The following LAMC1 variants were observed in gnomAD, a reference collection of about 807,000 sequenced individuals.
The protein encoded by LAMC1 is laminin subunit gamma-1.
In LAMC1, 38 loss-of-function variants were observed where a neutral mutation model predicts 173.6. That is an observed-to-expected ratio of 0.22 (90% CI 0.17 to 0.29). The LOEUF (loss-of-function observed/expected upper bound fraction) is 0.29. Among genes scored for constraint, LAMC1 ranks in the 10% least tolerant of loss-of-function variants. The pLI, the probability that LAMC1 is intolerant of heterozygous loss-of-function variation, is 1.00. For missense variants in LAMC1, 1,824 were observed against 2,051.8 expected, an observed-to-expected ratio of 0.89 and a Z score of 2.14; for synonymous variants, 746 against 749.1, an observed-to-expected ratio of 1.00 and a Z score of 0.07.
In LAMC1 at chr1:183,110,519, A is replaced by T; in HGVS notation, c.886A>T (p.Met296Leu). ...ATGTAATGGACACGCAAGCGAGTGT[A>T]TGAAGAACGAATTTGATAAGCTGGT... Reference protein sequence around the residue: ...CKCNGHASECMKNEFDKLVCN... With the variant: ...CKCNGHASECLKNEFDKLVCN... Residue 296 changes from methionine to leucine, a missense_variant, in exon 4 of 28, where the codon ATG (methionine) becomes TTG (leucine). Physicochemically the swap from Met to Leu is conservative, Grantham distance 15. Coordinates refer to ENST00000258341, the MANE Select transcript of LAMC1 (RefSeq NM_002293.4). 1 of 1,613,726 alleles carries T rather than the reference A, an allele frequency of 6.2e-7. No individual in the cohort carries two copies. Among genetic ancestry groups the T allele is most frequent in the East Asian group, 2.2e-5 (1 of 44,878 alleles).
At chr1:183,043,276 C>A (rs568636132) in intron 1 of LAMC1, among the ~76,000 whole-genome samples, 1 of 152,024 alleles carries the variant, frequency 6.6e-6, no homozygotes. Context: ...AAAATGTATT[C>A]GTACGAAACA....
chr1:183,049,469 T>G (rs1045290953), intron 1 of LAMC1, among the ~76,000 whole-genome samples: 1 of 152,006 alleles, frequency 6.6e-6, no homozygotes, highest in South Asian at 2.1e-4. Flanking sequence ...TTTTGTTTTT[T>G]TTTTTTGTTT....
intron 1 of LAMC1, among the ~76,000 whole-genome samples, chr1:183,024,590 G>C (rs373889959): frequency 6.6e-6 from 1 of 152,212 alleles, no homozygotes; most frequent in East Asian, 1.9e-4. Flanking sequence ...GAGGGTGATT[G>C]CTCTGTTGAG....
intron 1 of LAMC1, among the ~76,000 whole-genome samples, chr1:183,064,625 A>G (rs1354007111): frequency 6.6e-6 from 1 of 152,194 alleles, no homozygotes; most frequent in Non-Finnish European, 1.5e-5. Flanking sequence ...AAATCAAGGA[A>G]TGAAGTTTGT....
chr1:183,102,231 T>C (rs1287619927), intron 1 of LAMC1, among the ~76,000 whole-genome samples: 1 of 152,202 alleles, frequency 6.6e-6, no homozygotes, highest in African/African-American at 2.4e-5. Context: ...TCAACACTTC[T>C]GAGAGCACAG....
At chr1:183,126,391 G>A (rs1295827262) in intron 16 of LAMC1, 129 bp downstream of exon 16, 12 of 822,244 alleles carry the variant, frequency 1.5e-5, no homozygotes, top group Admixed American at 1.1e-4. Context: ...CTAAGTCATC[G>A]TAGATGCTTT....
chr1:183,103,491 C>T lies in LAMC1; in HGVS notation c.582C>T (p.Ile194=), dbSNP rs750081499. 1.1e-5 allele frequency: 18 copies of T among 1,614,088 alleles called. No individual in the cohort carries two copies. Among genetic ancestry groups the T allele is most frequent in the Middle Eastern group, 3.3e-4 (2 of 6,084 alleles). ...ACTCCAAGGCAAACCGCGGCTTCAT[C>T]AGGACAGGAGGGGACGAGCAGCAGG... is the stretch of plus-strand genomic sequence containing the variant. ...NTYSKANRGF[I]RTGGDEQQAL... is the part of the protein sequence containing the mutation. Residue 194 remains isoleucine (I), a synonymous_variant, in exon 2 of 28, where the codon ATC becomes ATT. Coordinates refer to ENST00000258341, the MANE Select transcript of LAMC1 (RefSeq NM_002293.4).
At position 183,058,977 on chromosome 1, in the gene LAMC1, C is replaced by T. The variant is rs529055167; in HGVS notation, c.418+34843C>T. Reference sequence around the variant, plus strand: ...TTTATAACATGTAAAATTTTCTCCCCTTGGGAAAAAACGTCTCACAGAAGA... The same window carrying T: ...TTTATAACATGTAAAATTTTCTCCCTTTGGGAAAAAACGTCTCACAGAAGA... On this transcript the variant is annotated intron_variant, in intron 1 of 27. Transcript: ENST00000258341. Among the ~76,000 whole-genome samples the T allele has an allele frequency of 2.6e-5, 4 of 152,310 alleles. No homozygotes were observed. In the East Asian group the frequency reaches 5.8e-4, roughly 22 times the overall value.
At chr1:183,131,463 T>TGTGTGGGTG in intron 20 of LAMC1, 85 bp downstream of exon 20, 3 of 797,716 alleles carry the variant, frequency 3.8e-6, no homozygotes. Context: ...GTGTGTGTAT[T>TGTGTGGGTG]GTCTTATCCC....
chr1:183,062,606 C>T (rs1489432728), intron 1 of LAMC1, among the ~76,000 whole-genome samples: 2 of 152,116 alleles, frequency 1.3e-5, no homozygotes, highest in African/African-American at 4.8e-5. Context: ...AATTGCACCA[C>T]TACGCTCCAG....
At chr1:183,044,707 G>T (rs115105823) in intron 1 of LAMC1, among the ~76,000 whole-genome samples, 46 of 152,184 alleles carry the variant, frequency 3.0e-4, no homozygotes, top group African/African-American at 1.1e-3. Flanking sequence ...AGTAATAGAA[G>T]ACCTGTCTGT....
At chr1:183,136,617 C>T (rs752999819) in intron 25 of LAMC1, 32 bp downstream of exon 25, 2 of 1,527,164 alleles carry the variant, frequency 1.3e-6, no homozygotes, top group Admixed American at 2.0e-5. Context: ...AGAGTCCCTG[C>T]CCATATCTTT....
At chr1:183,036,993 C>G (rs4409613) in intron 1 of LAMC1, among the ~76,000 whole-genome samples, 51,498 of 151,898 alleles carry the variant, frequency 0.34, 9,777 homozygotes, top group East Asian at 0.49. Context: ...TCAGGCTGGC[C>G]TCGAACTCCT....
At chr1:183,066,364 A>G (rs1360243086) in intron 1 of LAMC1, among the ~76,000 whole-genome samples, 3 of 152,208 alleles carry the variant, frequency 2.0e-5, no homozygotes, top group African/African-American at 7.2e-5. Flanking sequence ...ATGGGAGTGT[A>G]AATTAGTTCA....
intron 18 of LAMC1, among the ~76,000 whole-genome samples, chr1:183,129,056 T>C (rs1656706210): frequency 6.7e-6 from 1 of 150,102 alleles, no homozygotes; most frequent in Non-Finnish European, 1.5e-5. Context: ...GTTTTAAAAA[T>C]CATTAAAGGC....
chr1:183,058,186 G>A (rs2102029387), intron 1 of LAMC1, among the ~76,000 whole-genome samples: 1 of 152,288 alleles, frequency 6.6e-6, no homozygotes, highest in South Asian at 2.1e-4. Context: ...GTACTTAGAG[G>A]CAATTTAAGG....
chr1:183,121,983 T>C, intron 12 of LAMC1, 39 bp downstream of exon 12: 1 of 1,608,612 alleles, frequency 6.2e-7, no homozygotes, highest in Non-Finnish European at 8.5e-7. Flanking sequence ...CTAACTTCTC[T>C]TTAGCAATTG....
intron 1 of LAMC1, among the ~76,000 whole-genome samples, chr1:183,095,759 T>G (rs957166227): frequency 6.6e-6 from 1 of 152,198 alleles, no homozygotes; most frequent in Non-Finnish European, 1.5e-5. Context: ...AGCATGGGGT[T>G]TGGGTTAATA....
chr1:183,112,553 T>G (rs764658464), intron 4 of LAMC1, among the ~76,000 whole-genome samples: 1 of 152,100 alleles, frequency 6.6e-6, no homozygotes, highest in African/African-American at 2.4e-5. Context: ...AATACTACAT[T>G]AATTGTCAGG....
Sources: gnomAD v4.1 joint callset for allele counts (sites outside exome capture counted in the v4.1 genomes callset) on GRCh38, gnomAD v4.1.1 for gene constraint, MANE v1.5 for transcripts, NCBI Gene and HGNC (gene_info 2026-07-23, HGNC 2026-07-21) for gene names.